ITGB8: variants seen among roughly 807,000 people sequenced by gnomAD.
ITGB8 encodes the protein integrin beta-8.
In ITGB8, 30 loss-of-function variants were observed where a neutral mutation model predicts 89.5. That is an observed-to-expected ratio of 0.34 (90% confidence interval 0.25 to 0.45). ITGB8 has a LOEUF of 0.45. ITGB8 is among the 20% of genes least tolerant of loss of function. The pLI, the probability that ITGB8 is intolerant of heterozygous loss-of-function variation, is 1.00. For synonymous variants in ITGB8, 335 were observed against 320.4 expected, an observed-to-expected ratio of 1.05 and a Z score of -0.49; for missense variants, 836 against 933.3, an observed-to-expected ratio of 0.90 and a Z score of 1.36.
chr7:20,388,081 A>G (rs533500348), intron 6 of ITGB8, among the ~76,000 whole-genome samples: 1 of 152,324 alleles, frequency 6.6e-6, no homozygotes, highest in Non-Finnish European at 1.5e-5. Context: ...TATACACATT[A>G]TTAAAATTCT....
chr7:20,362,505 C>T lies in ITGB8; in HGVS notation c.128-1132C>T, dbSNP rs79097513. Among the ~76,000 whole-genome samples the T allele has an allele frequency of 7.2e-3, 1,090 of 152,288 alleles. 22 individuals carry two copies. Among genetic ancestry groups the T allele is most frequent in the African/African-American group, 0.025 (1,021 of 41,572 alleles). Reference sequence around the variant, plus strand: ...AATCCTTAAATATGCCCTCTTCCTCCACCCCTACTCATCCCTCTCTAAAGC... The same window carrying T: ...AATCCTTAAATATGCCCTCTTCCTCTACCCCTACTCATCCCTCTCTAAAGC... On this transcript the variant is annotated intron_variant, in intron 1 of 13. Transcript: ENST00000222573.
At chr7:20,409,142 C>T (rs538705203) in intron 12 of ITGB8, among the ~76,000 whole-genome samples, 4 of 152,230 alleles carry the variant, frequency 2.6e-5, no homozygotes, top group African/African-American at 9.6e-5. Flanking sequence ...TTTTCCATTA[C>T]TGGCATGGAA....
chr7:20,406,874 C>T (rs1787565734), intron 12 of ITGB8, among the ~76,000 whole-genome samples: 1 of 152,116 alleles, frequency 6.6e-6, no homozygotes, highest in African/African-American at 2.4e-5. Context: ...ATCATTCATC[C>T]TTAAGCTATA....
rs1205874424 is a variant in ITGB8, at chr7:20,398,898, G to A, written c.1185G>A (p.Gln395=). Residue 395 remains glutamine (Q), a synonymous_variant, in exon 9 of 14, where the codon CAG becomes CAA. Transcript: ENST00000222573. ...AAGTGAAAGTTCAGGTGGAAAACCA[G>A]GTACAAGGCATCTATTTTAACATTA... ...ISEVKVQVEN[Q]VQGIYFNITA... is the part of the protein sequence containing the mutation. 3.1e-6 allele frequency: 5 copies of A among 1,601,480 alleles called. No homozygotes were observed. Among genetic ancestry groups the A allele is most frequent in the Admixed American group, 1.7e-5 (1 of 57,196 alleles).
chr7:20,331,260 C>T lies in ITGB8; in HGVS notation c.-547C>T, dbSNP rs1784378607. ...CTAATGGTGTTGGCCTCCCTGCCCA[C>T]CTGTGGAAGCAACTGCGCTGATTGA... On this transcript the variant is annotated 5_prime_UTR_variant, in exon 1 of 14. Transcript: ENST00000222573. 1 of 303,302 alleles carries T rather than the reference C, an allele frequency of 3.3e-6. No individual in the cohort carries two copies. The highest frequency in any genetic ancestry group is 2.2e-5 in the African/African-American group (1 of 46,458). 18.8% of individuals were successfully genotyped at this position (303,302 alleles called of 1,614,324 possible).
chr7:20,370,576 CTACTT>C (rs1475091886), intron 3 of ITGB8, among the ~76,000 whole-genome samples: 1 of 147,156 alleles, frequency 6.8e-6, no homozygotes, highest in Non-Finnish European at 1.5e-5. Flanking sequence ...AACTTTTACA[CTACTT>C]TATTTATTTA....
rs766752008 is a variant in ITGB8 at position 20,367,170 on chromosome 7, T to C, written c.372T>C (p.Ser124=). The change falls in exon 3 of 14, where the codon TCT becomes TCC. Residue 124 remains serine, a synonymous_variant. Transcript: ENST00000222573. ...INTQVTPGEV[S]IQLRPGAEAN... The stretch of plus-strand genomic sequence containing the variant: ...CCCAGGTGACACCAGGAGAAGTGTC[T>C]ATCCAGCTGCGTCCAGGTTTGGTCA... 6 of 1,609,828 alleles carry C rather than the reference T, an allele frequency of 3.7e-6. No individual in the cohort carries two copies. In the Admixed American group the frequency reaches 6.7e-5, roughly 18 times the overall value.
intron 6 of ITGB8, 37 bp from the exon 7 acceptor site, chr7:20,391,366 A>C (rs1786846206): frequency 8.5e-7 from 1 of 1,179,422 alleles, no homozygotes; most frequent in African/African-American, 1.5e-5. Flanking sequence ...GGAGCTATGA[A>C]ATTTCATTCC....
At chr7:20,374,842 T>A (rs1266916044) in intron 3 of ITGB8, among the ~76,000 whole-genome samples, 2 of 152,164 alleles carry the variant, frequency 1.3e-5, no homozygotes, top group Non-Finnish European at 2.9e-5. Context: ...ATTGGCCATC[T>A]GGTGGAGAGC....
In ITGB8 at chr7:20,386,262, G is replaced by A. The variant is rs1046869603; in HGVS notation, c.960+4377G>A. On this transcript the variant is annotated intron_variant, in intron 6 of 13. Coordinates refer to ENST00000222573, the MANE Select transcript of ITGB8 (RefSeq NM_002214.3). Reference sequence around the variant, plus strand: ...GAGAACATTTTTTTTTTTTTGAGACGGAATCTCACTGTGTCGCCCAGGCTG... The same window carrying A: ...GAGAACATTTTTTTTTTTTTGAGACAGAATCTCACTGTGTCGCCCAGGCTG... Among the ~76,000 whole-genome samples, 4 of 135,734 alleles carry A rather than the reference G, an allele frequency of 2.9e-5. No individual in the cohort carries two copies. The South Asian group carries it at 6.7e-4, about 23-fold the overall frequency. 89.0% of individuals were successfully genotyped at this position (135,734 alleles called of 152,430 possible). A position where few individuals can be genotyped will look rare whatever the true frequency, so the allele number is the denominator to read the frequency against.
chr7:20,349,719 T>A (rs1785048787), intron 1 of ITGB8, among the ~76,000 whole-genome samples: 1 of 152,206 alleles, frequency 6.6e-6, no homozygotes, highest in South Asian at 2.1e-4. Context: ...ACATAAGATG[T>A]CACTGGATTT....
At chr7:20,356,241 A>G (rs2128133798) in intron 1 of ITGB8, among the ~76,000 whole-genome samples, 1 of 152,340 alleles carries the variant, frequency 6.6e-6, no homozygotes, top group South Asian at 2.1e-4. Context: ...GAAACCTCAA[A>G]TCAAAACTTG....
At chr7:20,390,676 AT>A (rs1469212494) in intron 6 of ITGB8, among the ~76,000 whole-genome samples, 1 of 152,116 alleles carries the variant, frequency 6.6e-6, no homozygotes. Context: ...AAGAATCAGA[AT>A]TGCTATTAGT....
intron 11 of ITGB8, among the ~76,000 whole-genome samples, chr7:20,405,314 A>AATATAT (rs200833949): frequency 2.0e-3 from 285 of 145,534 alleles, no homozygotes; most frequent in African/African-American, 7.0e-3. Flanking sequence ...TTTTATATTT[A>AATATAT]ATATATATAT....
In ITGB8 at chr7:20,412,337, T is replaced by A. The variant is rs1165911791; in HGVS notation, c.*2340T>A. 1 of 152,582 alleles carries A rather than the reference T, an allele frequency of 6.6e-6. No homozygotes were observed. The highest frequency in any genetic ancestry group is 1.5e-5 in the Non-Finnish European group (1 of 68,034). The allele number at this position is 152,582 out of a possible 1,614,324, so 9.5% of individuals were successfully genotyped here. On this transcript the variant is annotated 3_prime_UTR_variant, in exon 14 of 14. Coordinates refer to ENST00000222573, the MANE Select transcript of ITGB8 (RefSeq NM_002214.3). ...AATGTAAAAATTGGGTTTAGTAGCCTAATACACATAACGTTCTTCTTAAAA... is the reference window on the plus strand; with the variant it reads ...AATGTAAAAATTGGGTTTAGTAGCCAAATACACATAACGTTCTTCTTAAAA...
Position 20,331,685 on chromosome 7 carries a change from C to G in ITGB8, c.-122C>G, listed in dbSNP as rs1437201332. ...TGCTCCGAGCCGCGGGGTCCGCCTG[C>G]TAGGCCTGCGGAAAACGTCCTAGCG... On this transcript the variant is annotated 5_prime_UTR_variant, in exon 1 of 14. Coordinates refer to ENST00000222573, the MANE Select transcript of ITGB8 (RefSeq NM_002214.3). 4.0e-6 allele frequency: 5 copies of G among 1,239,236 alleles called. No homozygotes were observed. The highest frequency in any genetic ancestry group is 5.4e-6 in the Non-Finnish European group (5 of 930,082). The allele number at this position is 1,239,236 out of a possible 1,614,324, so 76.8% of individuals were successfully genotyped here.
In ITGB8 at chr7:20,407,924, A is replaced by G. The variant is rs944883209; in HGVS notation, c.2024-1691A>G. Among the ~76,000 whole-genome samples the G allele has an allele frequency of 4.3e-4, 66 of 152,292 alleles. 1 individual carries two copies. The highest frequency in any genetic ancestry group is 1.6e-3 in the African/African-American group (65 of 41,554). On this transcript the variant is annotated intron_variant, in intron 12 of 13. Transcript: ENST00000222573. ...AATGCCCTCTGTTCTAACCTATTAG[A>G]AATATTTCTAAAATGTGTCAGTAGC...
chr7:20,334,947 A>G (rs1023783612), intron 1 of ITGB8, among the ~76,000 whole-genome samples: 8 of 152,184 alleles, frequency 5.3e-5, no homozygotes, highest in African/African-American at 1.7e-4. Context: ...AGTTTTTAAC[A>G]TGGTATAATG....
Position 20,412,448 on chromosome 7 carries a change from A to G in ITGB8, c.*2451A>G, listed in dbSNP as rs529637587. Reference sequence around the variant, plus strand: ...GATGATGACAATTTTTGAAATGAACATTATGATATTTATGAACAATAAACA... The same window carrying G: ...GATGATGACAATTTTTGAAATGAACGTTATGATATTTATGAACAATAAACA... On this transcript the variant is annotated 3_prime_UTR_variant, in exon 14 of 14. Coordinates refer to ENST00000222573, the MANE Select transcript of ITGB8 (RefSeq NM_002214.3). 1.2e-4 allele frequency: 19 copies of G among 152,542 alleles called. No individual in the cohort carries two copies. The highest frequency in any genetic ancestry group is 2.6e-4 in the Non-Finnish European group (18 of 68,034). 9.4% of individuals were successfully genotyped at this position (152,542 alleles called of 1,614,324 possible). A position where few individuals can be genotyped will look rare whatever the true frequency, so the allele number is the denominator to read the frequency against.
Sources: gnomAD v4.1 joint callset for allele counts (sites outside exome capture counted in the v4.1 genomes callset) on GRCh38, gnomAD v4.1.1 for gene constraint, MANE v1.5 for transcripts, NCBI Gene and HGNC (gene_info 2026-07-23, HGNC 2026-07-21) for gene names.